Variants in CNTNAP2 observed in about 807,000 individuals in gnomAD.
The protein encoded by CNTNAP2 is contactin-associated protein-like 2.
CNTNAP2 carries 98 observed loss-of-function variants against 155.2 expected under a neutral mutation model. That is an observed-to-expected ratio of 0.63 (90% CI 0.54 to 0.75). The LOEUF is 0.75. Ranked by LOEUF, CNTNAP2 falls within the 30% of genes least tolerant of loss-of-function variation. CNTNAP2 has a pLI of 0.00. For missense variants in CNTNAP2, 1,727 were observed against 1,688.1 expected, an observed-to-expected ratio of 1.02 and a Z score of -0.40; for synonymous variants, 651 against 631.2, an observed-to-expected ratio of 1.03 and a Z score of -0.47.
At chr7:147,347,302 G>A (rs1348129458) in intron 9 of CNTNAP2, among the ~76,000 whole-genome samples, 3 of 151,692 alleles carry the variant, frequency 2.0e-5, no homozygotes, top group Non-Finnish European at 4.4e-5. Context: ...GAGAGCTTGT[G>A]TTAGGACAAA....
intron 21 of CNTNAP2, among the ~76,000 whole-genome samples, chr7:148,360,915 T>A (rs576422102): frequency 2.0e-5 from 3 of 151,720 alleles, no homozygotes; most frequent in Admixed American, 1.3e-4. Flanking sequence ...ATTCAAGTGA[T>A]CTCCTGCCTC....
At chr7:147,333,670 A>G (rs1795615670) in intron 9 of CNTNAP2, among the ~76,000 whole-genome samples, 1 of 152,148 alleles carries the variant, frequency 6.6e-6, no homozygotes, top group African/African-American at 2.4e-5. Flanking sequence ...ATAATCCTAT[A>G]TATTTTTTCA....
At chr7:146,147,776 A>G (rs1183637900) in intron 1 of CNTNAP2, among the ~76,000 whole-genome samples, 2 of 152,148 alleles carry the variant, frequency 1.3e-5, no homozygotes, top group African/African-American at 2.4e-5. Context: ...TGAACATTAC[A>G]AATATTCTAA....
intron 8 of CNTNAP2, among the ~76,000 whole-genome samples, chr7:147,198,261 A>T (rs1584787263): frequency 8.1e-6 from 1 of 123,926 alleles, no homozygotes; most frequent in East Asian, 2.3e-4. Context: ...TTTGAGACGA[A>T]GTCTCGTAGG....
intron 13 of CNTNAP2, among the ~76,000 whole-genome samples, chr7:147,856,717 A>G (rs1252580510): frequency 6.6e-6 from 1 of 152,170 alleles, no homozygotes; most frequent in African/African-American, 2.4e-5. Context: ...TTATCAGGCA[A>G]TAGCCAAGGG....
At chr7:148,154,438 G>T (rs1197675220) in intron 17 of CNTNAP2, among the ~76,000 whole-genome samples, 1 of 152,186 alleles carries the variant, frequency 6.6e-6, no homozygotes, top group Non-Finnish European at 1.5e-5. Context: ...AGCTTGTTTG[G>T]TCAGCTGCTT....
chr7:146,565,306 G>C (rs1234501576), intron 1 of CNTNAP2, among the ~76,000 whole-genome samples: 2 of 151,922 alleles, frequency 1.3e-5, no homozygotes, highest in East Asian at 1.9e-4. Flanking sequence ...GTATAATTTA[G>C]AGAAATTCAA....
chr7:146,951,369 C>T (rs1032012606), intron 3 of CNTNAP2, among the ~76,000 whole-genome samples: 5 of 152,070 alleles, frequency 3.3e-5, no homozygotes, highest in African/African-American at 4.8e-5. Flanking sequence ...AGAGTTTGCC[C>T]ATGTCTATAT....
intron 13 of CNTNAP2, among the ~76,000 whole-genome samples, chr7:147,765,867 A>G (rs1797374827): frequency 6.6e-6 from 1 of 152,210 alleles, no homozygotes; most frequent in Admixed American, 6.5e-5. Context: ...ATACTCGTAC[A>G]ATGGAATACT....
intron 1 of CNTNAP2, among the ~76,000 whole-genome samples, chr7:146,276,129 A>G (rs550193559): frequency 8.3e-4 from 126 of 152,314 alleles, no homozygotes; most frequent in African/African-American, 3.0e-3. Context: ...TTAATTTGCA[A>G]TGATAGCTAG....
intron 1 of CNTNAP2, among the ~76,000 whole-genome samples, chr7:146,701,173 A>G (rs1289736087): frequency 6.6e-6 from 1 of 152,196 alleles, no homozygotes; most frequent in East Asian, 1.9e-4. Flanking sequence ...TTTCAGTTAA[A>G]CAATTGCACA....
chr7:147,182,264 A>G (rs918803429), intron 8 of CNTNAP2, among the ~76,000 whole-genome samples: 1 of 152,080 alleles, frequency 6.6e-6, no homozygotes, highest in Non-Finnish European at 1.5e-5. Context: ...ACAGCCCATT[A>G]ATTATTAATA....
At chr7:146,632,842 A>G (rs1405104530) in intron 1 of CNTNAP2, among the ~76,000 whole-genome samples, 1 of 152,058 alleles carries the variant, frequency 6.6e-6, no homozygotes, top group African/African-American at 2.4e-5. Flanking sequence ...CTGAATTTAT[A>G]GTAAAAGATT....
intron 21 of CNTNAP2, among the ~76,000 whole-genome samples, chr7:148,349,556 C>T (rs1220368584): frequency 6.6e-6 from 1 of 151,972 alleles, no homozygotes; most frequent in Non-Finnish European, 1.5e-5. Context: ...CACCCGTCAC[C>T]ATGCCCGGCT....
intron 2 of CNTNAP2, among the ~76,000 whole-genome samples, chr7:146,833,294 TTG>T (rs1803551068): frequency 6.6e-6 from 1 of 152,168 alleles, no homozygotes; most frequent in Admixed American, 6.5e-5. Flanking sequence ...CTTCGTGGCA[TTG>T]GATTTCATTC....
At chr7:147,228,894 A>C (rs753176543) in intron 8 of CNTNAP2, among the ~76,000 whole-genome samples, 2 of 151,498 alleles carry the variant, frequency 1.3e-5, no homozygotes, top group African/African-American at 2.4e-5. Context: ...CTTATGAGTG[A>C]AAACATGCAG....
At chr7:147,389,380 T>C (rs1217717758) in intron 9 of CNTNAP2, among the ~76,000 whole-genome samples, 1 of 152,206 alleles carries the variant, frequency 6.6e-6, no homozygotes, top group Non-Finnish European at 1.5e-5. Flanking sequence ...GTTTTAAACA[T>C]GTCAATTTTT....
intron 10 of CNTNAP2, among the ~76,000 whole-genome samples, chr7:147,410,954 T>A (rs1052440221): frequency 1.3e-5 from 2 of 152,168 alleles, no homozygotes; most frequent in African/African-American, 4.8e-5. Context: ...CCTAGCTTCT[T>A]TGTTGGTCTT....
At chr7:148,311,860 T>A (rs554262888) in intron 21 of CNTNAP2, among the ~76,000 whole-genome samples, 52 of 152,096 alleles carry the variant, frequency 3.4e-4, no homozygotes, top group African/African-American at 1.2e-3. Context: ...ATGGGGTGAA[T>A]GTCAAGTGGA....
Sources: allele counts gnomAD v4.1 joint callset (sites outside exome capture counted in the v4.1 genomes callset), GRCh38; gene constraint gnomAD v4.1.1; transcripts MANE v1.5; gene names NCBI Gene and HGNC (gene_info 2026-07-23, HGNC 2026-07-21).